The following WDR90 variants were observed in gnomAD, a reference collection of about 807,000 sequenced individuals.
WDR90 encodes WD repeat-containing protein 90.
Under a neutral mutation model 195.2 loss-of-function variants are expected in WDR90, and 238 were observed. The observed-to-expected ratio is 1.22, with a 90% CI of 1.10 to 1.36. WDR90 has a LOEUF of 1.36. Among genes scored for constraint, WDR90 ranks in the 40% most tolerant of loss-of-function variants. WDR90 has a pLI of 0.00. For missense variants in WDR90, 2,734 were observed against 2,439.5 expected, an observed-to-expected ratio of 1.12 and a Z score of -2.54; for synonymous variants, 1,265 against 1,052.4, an observed-to-expected ratio of 1.20 and a Z score of -3.91.
At position 650,247 on chromosome 16, in the gene WDR90, C is replaced by T. The variant is rs1461551302; in HGVS notation, c.280-7C>T. 6.2e-7 allele frequency: 1 copy of T among 1,612,664 alleles called. No individual in the cohort carries two copies. Among genetic ancestry groups the T allele is most frequent in the Non-Finnish European group, 8.5e-7 (1 of 1,179,728 alleles). Reference sequence around the variant, plus strand: ...TGTCTCCTCACGGCCCTGCTCCGTCCCCACAGGACAACCAAGTCATCCGTG... The same window carrying T: ...TGTCTCCTCACGGCCCTGCTCCGTCTCCACAGGACAACCAAGTCATCCGTG... On this transcript the variant is annotated splice_region_variant and splice_polypyrimidine_tract_variant and intron_variant, in intron 3 of 40. Coordinates refer to ENST00000293879, the MANE Select transcript of WDR90 (RefSeq NM_145294.5).
intron 26 of WDR90, 131 bp downstream of exon 26, chr16:659,507 C>T: frequency 7.8e-7 from 1 of 1,286,744 alleles, no homozygotes; most frequent in Non-Finnish European, 1.1e-6. Flanking sequence ...AGGTGGAACA[C>T]AGTGGGGTCG....
chr16:656,584 G>A, intron 18 of WDR90, 47 bp downstream of exon 18: 1 of 1,571,202 alleles, frequency 6.4e-7, no homozygotes, highest in Non-Finnish European at 8.6e-7. Context: ...GGGAGGTCCT[G>A]AAGCTGGGGT....
chr16:655,113 C>T lies in WDR90; in HGVS notation c.1522C>T (p.Gln508Ter). 6.2e-7 allele frequency: 1 copy of T among 1,612,828 alleles called. No homozygotes were observed. The highest frequency in any genetic ancestry group is 8.5e-7 in the Non-Finnish European group (1 of 1,179,856). Reference protein sequence around the residue: ...LAKAHTDFDVQAFRVTFFDET... With the variant: ...LAKAHTDFDV ...AAAGGCGCACACTGACTTTGACGTC[C>T]AGGCCTTCCGGGTCACCTTTTTTGA... Residue 508 changes from glutamine to a stop codon, truncating the protein, a stop_gained, in exon 14 of 41, where the codon CAG (glutamine) becomes TAG (stop). Coordinates refer to ENST00000293879, the MANE Select transcript of WDR90 (RefSeq NM_145294.5). LOFTEE classifies it high-confidence loss of function.
rs1360652795 is a variant in WDR90, at chr16:658,177, C to A, written c.2605-6C>A. The A allele has an allele frequency of 6.2e-7, 1 of 1,606,642 alleles. No homozygotes were observed. Among genetic ancestry groups the A allele is most frequent in the Non-Finnish European group, 8.5e-7 (1 of 1,176,122 alleles). ...CTGACTGTCGGCCACTTACCACTAC[C>A]CCCAGCTGCTGCGAGTTGACATCGG... On this transcript the variant is annotated splice_polypyrimidine_tract_variant and splice_region_variant and intron_variant, in intron 21 of 40. Transcript: ENST00000293879.
chr16:666,598 G>C lies in WDR90; in HGVS notation c.4884G>C (p.Glu1628Asp). ...WLSFPMPATTETQGHLPPSLA... is the reference protein window; with the variant it reads ...WLSFPMPATTDTQGHLPPSLA... ...GTTTCCCAATGCCTGCCACCACGGA[G>C]GTAAACCATGCTCCTGGCACTGTGG... The change falls in exon 38 of 41, where the codon GAG becomes GAC. Residue 1628 changes from glutamate to aspartate, a missense_variant and splice_region_variant. Coordinates refer to ENST00000293879, the MANE Select transcript of WDR90 (RefSeq NM_145294.5). The C allele has an allele frequency of 4.3e-6, 7 of 1,612,364 alleles. No homozygotes were observed. The highest frequency in any genetic ancestry group is 5.1e-6 in the Non-Finnish European group (6 of 1,179,716).
In WDR90 at chr16:661,136, G is replaced by T; in HGVS notation, c.3477G>T (p.Ala1159=). The change falls in exon 29 of 41, where the codon GCG becomes GCT. Residue 1159 remains alanine (A), a synonymous_variant. Transcript: ENST00000293879. ...AGCAGCACTGGTCCGGCCACTCTGC[G>T]GAGATCTCCACGCTGGCCCTCAGCC... ...GAQQHWSGHS[A]EISTLALSHS... The T allele has an allele frequency of 1.3e-6, 2 of 1,560,428 alleles. No homozygotes were observed. Among genetic ancestry groups the T allele is most frequent in the Non-Finnish European group, 8.6e-7 (1 of 1,160,376 alleles).
Position 666,691 on chromosome 16 carries a change from C to T in WDR90, c.4903C>T (p.Pro1635Ser). Residue 1635 changes from proline (P) to serine (S), a missense_variant, in exon 39 of 41, where the codon CCC (proline) becomes TCC (serine). Transcript: ENST00000293879. ...ATTETQGHLP[P>S]SLAAFCPWDG... ...TTTGCAGACTCAGGGCCACCTGCCA[C>T]CCTCCCTCGCTGCCTTCTGCCCTTG... 1 of 1,612,780 alleles carries T rather than the reference C, an allele frequency of 6.2e-7. No individual in the cohort carries two copies. The highest frequency in any genetic ancestry group is 1.1e-5 in the South Asian group (1 of 91,082).
Position 665,760 on chromosome 16 carries a change from G to T in WDR90, c.4393G>T (p.Ala1465Ser), listed in dbSNP as rs1232815787. The change falls in exon 35 of 41, where the codon GCC becomes TCC. Residue 1465 changes from alanine (A) to serine (S), a missense_variant. By Grantham distance (99) the Ala-to-Ser change is moderately conservative. Coordinates refer to ENST00000293879, the MANE Select transcript of WDR90 (RefSeq NM_145294.5). ...EDGSVRVWALASMELVIQFQV... is the reference protein window; with the variant it reads ...EDGSVRVWALSSMELVIQFQV... ...TGGGAGTGTGCGGGTGTGGGCCTTGGCCAGCATGGAGCTTGTGATCCAGTT... is the reference window on the plus strand; with the variant it reads ...TGGGAGTGTGCGGGTGTGGGCCTTGTCCAGCATGGAGCTTGTGATCCAGTT... The T allele has an allele frequency of 1.2e-6, 2 of 1,605,256 alleles. No homozygotes were observed. The highest frequency in any genetic ancestry group is 4.5e-5 in the East Asian group (2 of 44,656).
In WDR90 at chr16:661,721, C is replaced by T; in HGVS notation, c.3798C>T (p.Thr1266=). ...ACCCCTGGGACGCCGGCGAGCTCAC[C>T]TGTGTGGGCCAGGGCACTGTCACCT... ...AFNPWDAGEL[T]CVGQGTVTFW... is the part of the protein sequence containing the mutation. Residue 1266 remains threonine (T), a synonymous_variant, in exon 31 of 41, where the codon ACC becomes ACT. Coordinates refer to ENST00000293879, the MANE Select transcript of WDR90 (RefSeq NM_145294.5). 6.2e-7 allele frequency: 1 copy of T among 1,612,374 alleles called. No homozygotes were observed. The highest frequency in any genetic ancestry group is 8.5e-7 in the Non-Finnish European group (1 of 1,179,752).
Position 651,637 on chromosome 16 carries a change from G to A in WDR90, c.737-7G>A. 1.9e-6 allele frequency: 3 copies of A among 1,612,038 alleles called. No individual in the cohort carries two copies. The highest frequency in any genetic ancestry group is 2.5e-6 in the Non-Finnish European group (3 of 1,179,878). ...CTGGGTCACTGGGGTTCTTTGCTCTGTTCTAGTCCTCCTGGGGCCGGGGCC... is the reference window on the plus strand; with the variant it reads ...CTGGGTCACTGGGGTTCTTTGCTCTATTCTAGTCCTCCTGGGGCCGGGGCC... On this transcript the variant is annotated splice_polypyrimidine_tract_variant and splice_region_variant and intron_variant, in intron 7 of 40. Transcript: ENST00000293879.
chr16:649,342 C>T (rs1279786024), upstream of WDR90: 16 of 1,313,946 alleles, frequency 1.2e-5, no homozygotes, highest in Non-Finnish European at 4.9e-6. Context: ...GCCAGGCAGC[C>T]GTTGCCTGGC....
At position 656,281 on chromosome 16, in the gene WDR90, CT is replaced by C. The variant is rs759001738; in HGVS notation, c.1967-20del. 1 of 1,597,132 alleles carries C rather than the reference CT, an allele frequency of 6.3e-7. No individual in the cohort carries two copies. The highest frequency in any genetic ancestry group is 8.5e-7 in the Non-Finnish European group (1 of 1,172,654). ...CACCCCGGGGTGGCCCTGGAGGCCC[CT>C]GACCCCACCCCACCCACAGAGCACG... On this transcript the variant is annotated intron_variant, in intron 17 of 40. Transcript: ENST00000293879.
In WDR90 at chr16:662,277, G is replaced by A. The variant is rs375846352; in HGVS notation, c.4091G>A (p.Arg1364His). The stretch of plus-strand genomic sequence containing the variant: ...AGCGGCAGCAGCACGGGGCGGCTGC[G>A]CCTGTGGGCCGTGGGGGCTGTGTCG... ...LVSGSSTGRL[R>H]LWAVGAVSEL... The change falls in exon 33 of 41, where the codon CGC (arginine) becomes CAC (histidine). Residue 1364 changes from arginine to histidine, a missense_variant. Physicochemically the swap from Arg to His is conservative, Grantham distance 29 (BLOSUM62 0). Transcript: ENST00000293879. 6.1e-4 allele frequency: 971 copies of A among 1,585,144 alleles called. 13 individuals are homozygous for A. The South Asian group carries it at 9.8e-3, about 16-fold the overall frequency.
chr16:660,486 C>A, intron 27 of WDR90, 126 bp from the exon 28 acceptor site: 1 of 962,358 alleles, frequency 1.0e-6, no homozygotes, highest in South Asian at 1.5e-5. Context: ...CCCAGCTTCC[C>A]CGTCTGCCCC....
intron 17 of WDR90, 50 bp from the exon 18 acceptor site, chr16:656,252 G>A (rs761690912): frequency 9.7e-6 from 15 of 1,538,936 alleles, no homozygotes; most frequent in Non-Finnish European, 1.3e-5. Context: ...CTGAGCATGC[G>A]GCTCACCCCG....
Position 661,270 on chromosome 16 carries a change from C to A in WDR90, c.3514-72C>A. On this transcript the variant is annotated intron_variant, in intron 29 of 40. Coordinates refer to ENST00000293879, the MANE Select transcript of WDR90 (RefSeq NM_145294.5). ...CGGGTTCTCACCACCAAAGACGGAG[C>A]AGACGGCCACCCCAGCCTCCACTCC... 2.0e-6 allele frequency: 3 copies of A among 1,532,048 alleles called. No individual in the cohort carries two copies. The South Asian group carries it at 3.7e-5, about 19-fold the overall frequency. The allele number at this position is 1,532,048 out of a possible 1,614,324, so 94.9% of individuals were successfully genotyped here.
Position 658,828 on chromosome 16 carries a change from G to A in WDR90, c.2896-68G>A, listed in dbSNP as rs998168738. On this transcript the variant is annotated intron_variant, in intron 23 of 40. Transcript: ENST00000293879. ...ACACTGTGTGGGGCTCACCGTCCCT[G>A]GGGACTGGGCACACGGCAGCATCCA... is the stretch of plus-strand genomic sequence containing the variant. 3.2e-5 allele frequency: 51 copies of A among 1,589,752 alleles called. No homozygotes were observed. The Middle Eastern group carries it at 8.4e-4, about 26-fold the overall frequency.
At chr16:662,109 C>T (rs1247153303) in intron 32 of WDR90, 50 bp downstream of exon 32, 1 of 1,574,392 alleles carries the variant, frequency 6.4e-7, no homozygotes, top group Non-Finnish European at 8.6e-7. Context: ...TACCTGGGAT[C>T]CTCAGAGCTG....
At chr16:655,263 G>T in intron 14 of WDR90, 44 bp from the exon 15 acceptor site, 1 of 1,610,708 alleles carries the variant, frequency 6.2e-7, no homozygotes, top group Non-Finnish European at 8.5e-7. Context: ...CGGTGGGTCA[G>T]GGCGCTGCGA....
Sources: gnomAD v4.1 joint callset for allele counts on GRCh38, gnomAD v4.1.1 for gene constraint, MANE v1.5 for transcripts, NCBI Gene and HGNC (gene_info 2026-07-23, HGNC 2026-07-21) for gene names.